Variants in LYRM4 observed in about 807,000 individuals in gnomAD.
LYRM4 encodes the protein LYR motif-containing protein 4.
Under a neutral mutation model 11.7 loss-of-function variants are expected in LYRM4, and 9 were observed. The observed-to-expected ratio is 0.77, with a 90% CI of 0.46 to 1.34. The LOEUF is 1.34. Among genes scored for constraint, LYRM4 ranks in the 40% most tolerant of loss-of-function variants. The pLI is 0.00. For missense variants in LYRM4, 133 were observed against 112.5 expected, an observed-to-expected ratio of 1.18 and a Z score of -0.82; for synonymous variants, 42 against 40.4, an observed-to-expected ratio of 1.04 and a Z score of -0.15.
chr6:5,113,917 C>T (rs1763002199), intron 2 of LYRM4, among the ~76,000 whole-genome samples: 1 of 152,298 alleles, frequency 6.6e-6, no homozygotes, highest in Admixed American at 6.5e-5. Context: ...AACTATGAGC[C>T]TACGTTATGA....
At chr6:5,052,813 C>A in the LYRM4 span, among the ~76,000 whole-genome samples, 1 of 152,252 alleles carries the variant, frequency 6.6e-6, no homozygotes, top group Non-Finnish European at 1.5e-5. Context: ...GTCTAAGGAG[C>A]CCCTTTTTCT....
Position 5,109,489 on chromosome 6 carries a change from G to C in LYRM4, c.210C>G (p.Val70=). 5 of 1,613,970 alleles carry C rather than the reference G, an allele frequency of 3.1e-6. No homozygotes were observed. The highest frequency in any genetic ancestry group is 3.4e-6 in the Non-Finnish European group (4 of 1,179,850). The change falls in exon 3 of 3, where the codon GTC becomes GTG. Residue 70 remains valine (V), a splice_region_variant and synonymous_variant. Transcript: ENST00000330636. The part of the protein sequence containing the change: ...KRDLGVIRRQ[V]HIGQLYSTDK... ...CAGTTGAATACAGTTGGCCAATGTGGACCTGAAGGCAAAGAAAGGACACAG... is the reference window on the plus strand; with the variant it reads ...CAGTTGAATACAGTTGGCCAATGTGCACCTGAAGGCAAAGAAAGGACACAG...
chr6:5,061,122 G>A, the LYRM4 span, among the ~76,000 whole-genome samples: 1 of 152,192 alleles, frequency 6.6e-6, no homozygotes, highest in South Asian at 2.1e-4. Flanking sequence ...TAAAAAGACA[G>A]TTAATTAATT....
intron 1 of LYRM4, among the ~76,000 whole-genome samples, chr6:5,222,970 C>A (rs1438910398): frequency 6.6e-6 from 1 of 152,112 alleles, no homozygotes; most frequent in Non-Finnish European, 1.5e-5. Flanking sequence ...TGTGAACAAA[C>A]TGAACTGCAT....
Position 5,210,635 on chromosome 6 carries a change from C to T in LYRM4, c.207+5983G>A, listed in dbSNP as rs566802715. 7.3e-4 allele frequency among the ~76,000 whole-genome samples: 111 copies of T among 152,182 alleles called. 3 individuals carry two copies. Among genetic ancestry groups the T allele is most frequent in the African/African-American group, 2.6e-3 (108 of 41,518 alleles). The stretch of plus-strand genomic sequence containing the variant: ...ACATGACCAGAACTTTTTCATCTTC[C>T]CAAATTGAAACTCTGTACCAATTAA... On this transcript the variant is annotated intron_variant, in intron 2 of 2. Coordinates refer to ENST00000330636, the MANE Select transcript of LYRM4 (RefSeq NM_020408.6).
At chr6:5,227,566 G>A (rs1762966056) in intron 1 of LYRM4, among the ~76,000 whole-genome samples, 1 of 152,148 alleles carries the variant, frequency 6.6e-6, no homozygotes, top group South Asian at 2.1e-4. Flanking sequence ...AATTCCCCAA[G>A]GAATTTGTGT....
chr6:5,167,714 T>C (rs1759170914), intron 2 of LYRM4, among the ~76,000 whole-genome samples: 1 of 152,232 alleles, frequency 6.6e-6, no homozygotes, highest in Non-Finnish European at 1.5e-5. Context: ...GTACTCTTCA[T>C]GGACAGGAAG....
chr6:5,135,028 C>T (rs1757008843), intron 2 of LYRM4, among the ~76,000 whole-genome samples: 1 of 111,420 alleles, frequency 9.0e-6, no homozygotes, highest in South Asian at 3.1e-4. Context: ...GGGTGCGGAT[C>T]GCTCCCGGGG....
At chr6:5,232,512 C>T (rs747381305) in intron 1 of LYRM4, among the ~76,000 whole-genome samples, 6 of 152,218 alleles carry the variant, frequency 3.9e-5, no homozygotes, top group Non-Finnish European at 7.3e-5. Flanking sequence ...GAATTTGCTG[C>T]ACTGGTAATA....
chr6:5,204,927 A>G (rs1051569333), intron 2 of LYRM4, among the ~76,000 whole-genome samples: 2 of 152,236 alleles, frequency 1.3e-5, no homozygotes, highest in Non-Finnish European at 2.9e-5. Context: ...ACTTCTGGCC[A>G]GAAAGCAAGT....
At chr6:5,156,846 C>G (rs1426158541) in intron 2 of LYRM4, among the ~76,000 whole-genome samples, 2 of 152,194 alleles carry the variant, frequency 1.3e-5, no homozygotes, top group African/African-American at 4.8e-5. Flanking sequence ...CCAGGCGCAG[C>G]TCTGCAGCTG....
downstream of LYRM4, chr6:5,103,543 A>G (rs138409200): frequency 6.6e-6 from 1 of 152,298 alleles, no homozygotes; most frequent in African/African-American, 2.4e-5. Flanking sequence ...CCTTGGGGAC[A>G]GGGAAGCTTT....
chr6:5,176,125 C>T (rs538155604), intron 2 of LYRM4, among the ~76,000 whole-genome samples: 183 of 148,934 alleles, frequency 1.2e-3, no homozygotes, highest in African/African-American at 4.3e-3. Flanking sequence ...AGTGCAGTGG[C>T]GTGATCTCAG....
Position 5,216,510 on chromosome 6 carries a change from T to C in LYRM4, c.207+108A>G. The C allele has an allele frequency of 3.1e-6, 4 of 1,272,368 alleles. No individual in the cohort carries two copies. The South Asian group carries it at 3.7e-5, about 12-fold the overall frequency. 78.8% of individuals were successfully genotyped at this position (1,272,368 alleles called of 1,614,324 possible). A position where few individuals can be genotyped will look rare whatever the true frequency, so the allele number is the denominator to read the frequency against. ...TAGTACAAGGAACAGAGTTTCATGA[T>C]CCTGCTCTGTAAATCACCAACACCA... On this transcript the variant is annotated intron_variant, in intron 2 of 2. Coordinates refer to ENST00000330636, the MANE Select transcript of LYRM4 (RefSeq NM_020408.6).
chr6:5,202,488 C>T (rs2127706539), intron 2 of LYRM4, among the ~76,000 whole-genome samples: 1 of 152,142 alleles, frequency 6.6e-6, no homozygotes, highest in East Asian at 1.9e-4. Context: ...CTATGCCATC[C>T]CAAGAGGCTG....
intron 2 of LYRM4, among the ~76,000 whole-genome samples, chr6:5,199,991 G>A (rs898589823): frequency 6.6e-6 from 1 of 152,174 alleles, no homozygotes; most frequent in Admixed American, 6.5e-5. Flanking sequence ...CTGAAGGGCT[G>A]AAAAAATTTT....
At position 5,260,830 on chromosome 6, in the gene LYRM4, A is replaced by G. The variant is rs1441376546; in HGVS notation, c.-97T>C. 6.6e-7 allele frequency: 1 copy of G among 1,518,166 alleles called. No homozygotes were observed. Among genetic ancestry groups the G allele is most frequent in the Non-Finnish European group, 8.8e-7 (1 of 1,139,138 alleles). The allele number at this position is 1,518,166 out of a possible 1,614,324, so 94.0% of individuals were successfully genotyped here. On this transcript the variant is annotated 5_prime_UTR_variant, in exon 1 of 3. Transcript: ENST00000330636. ...AGCCTGTGCGGAAACCACGAACGAAATAAAATGCTGCGGCTCGGCTTTGCC... is the reference window on the plus strand; with the variant it reads ...AGCCTGTGCGGAAACCACGAACGAAGTAAAATGCTGCGGCTCGGCTTTGCC...
downstream of LYRM4, among the ~76,000 whole-genome samples, chr6:5,100,373 A>T (rs127120): frequency 0.64 from 96,580 of 151,980 alleles, 31,501 homozygotes; most frequent in East Asian, 0.81. Context: ...GAGGTTGCAT[A>T]CGTCTCTCCT....
rs1311348278 is a variant in LYRM4 at position 5,110,328 on chromosome 6, A to T, written c.208-837T>A. 3.7e-5 allele frequency among the ~76,000 whole-genome samples: 4 copies of T among 108,624 alleles called. No individual in the cohort carries two copies. The East Asian group carries it at 7.7e-4, about 21-fold the overall frequency. The allele number at this position is 108,624 out of a possible 152,430, so 71.3% of individuals were successfully genotyped here. On this transcript the variant is annotated intron_variant, in intron 2 of 2. Transcript: ENST00000330636. ...GCAAACAGAGCAGCCAGGGGTCAACATCCTCATGGTTTTCCTCCCCGATCT... is the reference window on the plus strand; with the variant it reads ...GCAAACAGAGCAGCCAGGGGTCAACTTCCTCATGGTTTTCCTCCCCGATCT...
Sources: gnomAD v4.1 joint callset for allele counts (sites outside exome capture counted in the v4.1 genomes callset) on GRCh38, gnomAD v4.1.1 for gene constraint, MANE v1.5 for transcripts, NCBI Gene and HGNC (gene_info 2026-07-23, HGNC 2026-07-21) for gene names.